The following FAF1 variants were observed in gnomAD, a reference collection of about 807,000 sequenced individuals.
FAF1 encodes Fas associated factor 1, also known as FAS-associated factor 1.
FAF1 carries 25 observed loss-of-function variants against 92.5 expected under a neutral mutation model. That is an observed-to-expected ratio of 0.27 (90% CI 0.20 to 0.38). The LOEUF is 0.38. Ranked by LOEUF, FAF1 falls within the 10% of genes least tolerant of loss-of-function variation. The pLI is 1.00. For missense variants in FAF1, 636 were observed against 793.3 expected (o/e 0.80, Z 2.38); for synonymous variants, 234 against 273.2 (o/e 0.86, Z 1.42).
intron 7 of FAF1, among the ~76,000 whole-genome samples, chr1:50,663,660 C>A (rs1376505257): frequency 2.6e-5 from 4 of 151,506 alleles, no homozygotes; most frequent in Admixed American, 2.6e-4. Flanking sequence ...ACCCTGGCCT[C>A]CCAAAGTGCT....
chr1:50,837,697 C>T (rs919481225), intron 2 of FAF1, among the ~76,000 whole-genome samples: 8 of 151,732 alleles, frequency 5.3e-5, no homozygotes, highest in Non-Finnish European at 1.0e-4. Flanking sequence ...TAAATTCAGA[C>T]CTCAACTTTA....
chr1:50,860,514 A>T (rs190080304), intron 1 of FAF1, among the ~76,000 whole-genome samples: 370 of 151,990 alleles, frequency 2.4e-3, no homozygotes, highest in Admixed American at 4.0e-3. Context: ...CACATCACCA[A>T]TCACAGAGAA....
intron 3 of FAF1, among the ~76,000 whole-genome samples, chr1:50,792,201 C>T (rs769591199): frequency 1.1e-4 from 16 of 152,114 alleles, no homozygotes; most frequent in Non-Finnish European, 1.9e-4. Context: ...AAGTTTTTAA[C>T]TTTCAGCTCA....
chr1:50,772,150 G>A (rs961665442), intron 4 of FAF1, among the ~76,000 whole-genome samples: 1 of 151,956 alleles, frequency 6.6e-6, no homozygotes, highest in Non-Finnish European at 1.5e-5. Flanking sequence ...TACCATAAAA[G>A]TCCTTAGTAA....
chr1:50,881,634 C>A (rs145649633), intron 1 of FAF1, among the ~76,000 whole-genome samples: 3 of 152,066 alleles, frequency 2.0e-5, no homozygotes, highest in African/African-American at 7.2e-5. Context: ...AAGTATCAAT[C>A]GGGAAGACCC....
intron 1 of FAF1, among the ~76,000 whole-genome samples, chr1:50,948,063 A>G (rs2124759751): frequency 6.6e-6 from 1 of 152,342 alleles, no homozygotes; most frequent in African/African-American, 2.4e-5. Flanking sequence ...AAAAGAAGAG[A>G]GATGTACAAA....
chr1:50,861,331 T>G (rs1057329269), intron 1 of FAF1, among the ~76,000 whole-genome samples: 1 of 151,868 alleles, frequency 6.6e-6, no homozygotes, highest in Admixed American at 6.6e-5. Flanking sequence ...TATTTGGAGA[T>G]GAGGTCTTTG....
intron 12 of FAF1, among the ~76,000 whole-genome samples, chr1:50,580,815 A>G (rs1245909789): frequency 6.6e-6 from 1 of 152,216 alleles, no homozygotes; most frequent in East Asian, 1.9e-4. Context: ...CCTATTATCC[A>G]GGCTGGAGTG....
At chr1:50,511,016 T>A (rs1293242444) in intron 15 of FAF1, among the ~76,000 whole-genome samples, 2 of 152,188 alleles carry the variant, frequency 1.3e-5, no homozygotes, top group African/African-American at 4.8e-5. Flanking sequence ...TTCTAGAAAG[T>A]TAATTTCTTG....
chr1:50,861,422 G>A lies in FAF1; in HGVS notation c.46-3425C>T, dbSNP rs12076699. 9.9e-3 allele frequency among the ~76,000 whole-genome samples: 1,510 copies of A among 151,828 alleles called. 23 individuals carry two copies. The highest frequency in any genetic ancestry group is 0.035 in the African/African-American group (1,433 of 41,470). Reference sequence around the variant, plus strand: ...GTGCCCTTACATGGATGAATCTGGAGGCCATTATCCTTAGTGAAATGACCC... The same window carrying A: ...GTGCCCTTACATGGATGAATCTGGAAGCCATTATCCTTAGTGAAATGACCC... On this transcript the variant is annotated intron_variant, in intron 1 of 18. Transcript: ENST00000396153.
At chr1:50,442,002 G>T (rs1646173532) in intron 18 of FAF1, among the ~76,000 whole-genome samples, 1 of 151,522 alleles carries the variant, frequency 6.6e-6, no homozygotes, top group African/African-American at 2.4e-5. Context: ...CCTGGTGAGG[G>T]GAGGCATATC....
At chr1:50,634,141 C>T (rs1653910092) in intron 8 of FAF1, among the ~76,000 whole-genome samples, 1 of 152,230 alleles carries the variant, frequency 6.6e-6, no homozygotes, top group Middle Eastern at 3.4e-3. Flanking sequence ...AGGCTACTTA[C>T]CATGCATAAA....
At chr1:50,911,996 C>G (rs1483576813) in intron 1 of FAF1, among the ~76,000 whole-genome samples, 6 of 151,678 alleles carry the variant, frequency 4.0e-5, no homozygotes, top group Non-Finnish European at 5.9e-5. Flanking sequence ...GAGATCTCAC[C>G]ACTGCACTCT....
At chr1:50,936,628 T>C (rs565886154) in intron 1 of FAF1, among the ~76,000 whole-genome samples, 1 of 152,330 alleles carries the variant, frequency 6.6e-6, no homozygotes, top group African/African-American at 2.4e-5. Context: ...AGCAATTTAA[T>C]ATGAAATTCA....
chr1:50,946,898 G>A (rs1330257091), intron 1 of FAF1, among the ~76,000 whole-genome samples: 1 of 152,146 alleles, frequency 6.6e-6, no homozygotes, highest in Admixed American at 6.6e-5. Flanking sequence ...TCACCCAAGA[G>A]GGAGACATTA....
In FAF1 at chr1:50,959,841, G is replaced by C. The variant is rs1048244508; in HGVS notation, c.-30C>G. Reference sequence around the variant, plus strand: ...GCCGCCGAGTTCCGCGGCTCCGGGAGCGAAGCGCGCACCTGGGAGGCAGAC... The same window carrying C: ...GCCGCCGAGTTCCGCGGCTCCGGGACCGAAGCGCGCACCTGGGAGGCAGAC... On this transcript the variant is annotated 5_prime_UTR_variant, in exon 1 of 19. Transcript: ENST00000396153. 1 of 1,531,100 alleles carries C rather than the reference G, an allele frequency of 6.5e-7. No individual in the cohort carries two copies. The highest frequency in any genetic ancestry group is 8.8e-7 in the Non-Finnish European group (1 of 1,133,482). The allele number at this position is 1,531,100 out of a possible 1,614,324, so 94.8% of individuals were successfully genotyped here.
At chr1:50,957,159 T>C (rs1331674056) in intron 1 of FAF1, among the ~76,000 whole-genome samples, 1 of 152,032 alleles carries the variant, frequency 6.6e-6, no homozygotes, top group African/African-American at 2.4e-5. Flanking sequence ...TCCAAATAAT[T>C]TTTTCTTCTA....
chr1:50,599,313 C>G (rs1191212014), intron 8 of FAF1, among the ~76,000 whole-genome samples: 1 of 151,996 alleles, frequency 6.6e-6, no homozygotes, highest in Non-Finnish European at 1.5e-5. Context: ...GGTTTTAACA[C>G]GTTGGCCAGG....
chr1:50,465,249 G>A (rs944875078), intron 18 of FAF1, among the ~76,000 whole-genome samples: 2 of 152,194 alleles, frequency 1.3e-5, no homozygotes, highest in Non-Finnish European at 2.9e-5. Flanking sequence ...TTTTGGACAT[G>A]AGTTTGAAAT....
Sources: gnomAD v4.1 joint callset for allele counts (sites outside exome capture counted in the v4.1 genomes callset) on GRCh38, gnomAD v4.1.1 for gene constraint, MANE v1.5 for transcripts, NCBI Gene and HGNC (gene_info 2026-07-23, HGNC 2026-07-21) for gene names.